Variants in EDNRB observed in about 807,000 individuals in gnomAD.
EDNRB encodes Hirschsprung disease 2.
EDNRB carries 18 observed loss-of-function variants against 46.4 expected under a neutral mutation model. That is an observed-to-expected ratio of 0.39 (90% CI 0.27 to 0.57). EDNRB has a LOEUF of 0.57. EDNRB is among the 20% of genes least tolerant of loss of function. The pLI, the probability that EDNRB is intolerant of heterozygous loss-of-function variation, is 0.61. For missense variants in EDNRB, 434 were observed against 537.5 expected, an observed-to-expected ratio of 0.81 and a Z score of 1.90; for synonymous variants, 213 against 204.9, an observed-to-expected ratio of 1.04 and a Z score of -0.34.
chr13:77,926,212 A>T (rs868211200), intron 1 of EDNRB, among the ~76,000 whole-genome samples: 7 of 152,148 alleles, frequency 4.6e-5, no homozygotes, highest in Admixed American at 2.0e-4. Flanking sequence ...CTTGCTACTT[A>T]TGTCAATTTC....
At chr13:77,965,459 A>C (rs1881554675) in intron 1 of EDNRB, among the ~76,000 whole-genome samples, 1 of 152,190 alleles carries the variant, frequency 6.6e-6, no homozygotes, top group Non-Finnish European at 1.5e-5. Flanking sequence ...AAAACAGTAA[A>C]GTGTGGAGAG....
At chr13:77,937,428 G>A (rs1223005670) in intron 1 of EDNRB, among the ~76,000 whole-genome samples, 1 of 152,208 alleles carries the variant, frequency 6.6e-6, no homozygotes, top group Non-Finnish European at 1.5e-5. Context: ...GAGGGTAGAA[G>A]TCAGGATGAC....
intron 1 of EDNRB, among the ~76,000 whole-genome samples, chr13:77,962,158 C>T (rs1018836559): frequency 1.8e-4 from 27 of 152,098 alleles, no homozygotes; most frequent in Non-Finnish European, 3.2e-4. Context: ...AACCAAAAAA[C>T]GTCCAGGACC....
intron 1 of EDNRB, among the ~76,000 whole-genome samples, chr13:77,946,790 AT>A (rs1257172436): frequency 6.6e-6 from 1 of 152,264 alleles, no homozygotes; most frequent in Non-Finnish European, 1.5e-5. Flanking sequence ...TGATGTATTT[AT>A]AACAGTTTGT....
chr13:77,903,374 T>C lies in EDNRB; in HGVS notation c.597-14A>G, dbSNP rs1050828899. The C allele has an allele frequency of 6.2e-7, 1 of 1,612,824 alleles. No homozygotes were observed. The highest frequency in any genetic ancestry group is 8.5e-7 in the Non-Finnish European group (1 of 1,179,280). ...ACAGCTCGATATCTGAAGATAAAAA[T>C]AGAATTGTATTTTAAGCTGGCATAC... is the stretch of plus-strand genomic sequence containing the variant. On this transcript the variant is annotated splice_polypyrimidine_tract_variant and intron_variant, in intron 2 of 6. Coordinates refer to ENST00000646607, the MANE Select transcript of EDNRB (RefSeq NM_001122659.3).
rs912182220 is a variant in EDNRB, at chr13:77,904,087, G to A, written c.484-480C>T. Among the ~76,000 whole-genome samples the A allele has an allele frequency of 3.3e-5, 5 of 152,104 alleles. No homozygotes were observed. In the East Asian group the frequency reaches 9.7e-4, roughly 30 times the overall value. On this transcript the variant is annotated intron_variant, in intron 1 of 6. Transcript: ENST00000646607. ...AGGCACTTGTTCTTCATTGCAGTCA[G>A]TTTACCTAACTGAACAATCATTCAG...
At chr13:77,944,332 T>G (rs1880840721) in intron 1 of EDNRB, among the ~76,000 whole-genome samples, 1 of 152,134 alleles carries the variant, frequency 6.6e-6, no homozygotes, top group Admixed American at 6.6e-5. Context: ...ATACCCTGAA[T>G]GCATCTATCT....
intron 1 of EDNRB, chr13:77,947,779 A>ATTTTTTT (rs5804948): frequency 4.5e-5 from 6 of 133,350 alleles, no homozygotes; most frequent in Admixed American, 1.5e-4. Flanking sequence ...CAGCTAATTA[A>ATTTTTTT]TTTTTTTTTT....
intron 1 of EDNRB, among the ~76,000 whole-genome samples, chr13:77,928,465 T>C (rs1880300470): frequency 1.3e-5 from 2 of 152,204 alleles, no homozygotes; most frequent in Non-Finnish European, 2.9e-5. Flanking sequence ...ATTTTTTTGG[T>C]GTAAAATTAG....
At chr13:77,909,006 T>C (rs1406941577) in intron 1 of EDNRB, among the ~76,000 whole-genome samples, 3 of 152,014 alleles carry the variant, frequency 2.0e-5, no homozygotes, top group Non-Finnish European at 4.4e-5. Context: ...CTGCTGGCAA[T>C]ATGGTATCCA....
chr13:77,918,275 A>T lies in EDNRB; in HGVS notation c.299T>A (p.Phe100Tyr). The part of the protein sequence containing the change: ...CQGPIEIKET[F>Y]KYINTVVSCL... ...GGACACAACCGTGTTGATGTATTTG[A>T]AAGTCTCCTTGATCTCGATGGGTCC... is the stretch of plus-strand genomic sequence containing the variant. Residue 100 changes from phenylalanine (F) to tyrosine (Y), a missense_variant, in exon 1 of 7, where the codon TTC becomes TAC. Phe to Tyr is a conservative substitution (Grantham distance 22). Coordinates refer to ENST00000646607, the MANE Select transcript of EDNRB (RefSeq NM_001122659.3). This position sits in a 1 kb window ranked among gnomAD's most constrained non-coding sequence, Gnocchi z 4.5. The T allele has an allele frequency of 6.2e-7, 1 of 1,614,038 alleles. No individual in the cohort carries two copies.
At chr13:77,900,384 G>T in intron 5 of EDNRB, 137 bp downstream of exon 5, 1 of 1,210,164 alleles carries the variant, frequency 8.3e-7, no homozygotes. Flanking sequence ...CAGGACCTCA[G>T]ATAAAAATTG....
intron 1 of EDNRB, among the ~76,000 whole-genome samples, chr13:77,907,445 A>G (rs1182657401): frequency 6.6e-6 from 1 of 151,910 alleles, no homozygotes; most frequent in African/African-American, 2.4e-5. Flanking sequence ...CAAATGGCCA[A>G]TTATGGGACT....
At chr13:77,915,416 C>T (rs1879761216) in intron 1 of EDNRB, among the ~76,000 whole-genome samples, 1 of 152,168 alleles carries the variant, frequency 6.6e-6, no homozygotes, top group Admixed American at 6.5e-5. Flanking sequence ...TAAAACAATA[C>T]TCAAGGTTGG....
rs201308168 is a variant in EDNRB, at chr13:77,899,833, C to T, written c.1194+26G>A. 1,335 of 1,563,786 alleles carry T rather than the reference C, an allele frequency of 8.5e-4. 17 individuals are homozygous for T. The South Asian group carries it at 9.3e-3, about 11-fold the overall frequency. Reference sequence around the variant, plus strand: ...TATATTTGAGCCATATTACAAAGAGCTTTTTATTTTGGGATAGTCTCTTAC... The same window carrying T: ...TATATTTGAGCCATATTACAAAGAGTTTTTTATTTTGGGATAGTCTCTTAC... On this transcript the variant is annotated intron_variant, in intron 6 of 6. Transcript: ENST00000646607.
intron 3 of EDNRB, among the ~76,000 whole-genome samples, chr13:77,901,996 T>C (rs946241525): frequency 1.3e-5 from 2 of 151,978 alleles, no homozygotes; most frequent in South Asian, 4.1e-4. Flanking sequence ...TAATGTCTCT[T>C]AACTCATTCT....
Position 77,918,831 on chromosome 13 carries a change from T to C in EDNRB, c.-258A>G. 7.7e-7 allele frequency: 1 copy of C among 1,291,854 alleles called. No individual in the cohort carries two copies. The highest frequency in any genetic ancestry group is 9.8e-7 in the Non-Finnish European group (1 of 1,023,612). 80.0% of individuals were successfully genotyped at this position (1,291,854 alleles called of 1,614,324 possible). On this transcript the variant is annotated 5_prime_UTR_variant, in exon 1 of 7. Transcript: ENST00000646607. This position sits in a 1 kb window ranked among gnomAD's most constrained non-coding sequence, Gnocchi z 4.5. Reference sequence around the variant, plus strand: ...CTGATGCCCTCTCAGCTGTTTTTCTTCCCCCGCGTGGCCAGGAGGGGTAAA... The same window carrying C: ...CTGATGCCCTCTCAGCTGTTTTTCTCCCCCCGCGTGGCCAGGAGGGGTAAA...
intron 1 of EDNRB, among the ~76,000 whole-genome samples, chr13:77,926,505 C>G (rs1181406614): frequency 6.6e-6 from 1 of 152,180 alleles, no homozygotes; most frequent in African/African-American, 2.4e-5. Context: ...TGAGAGTCAC[C>G]TTTGCTCCAG....
At position 77,896,397 on chromosome 13, in the gene EDNRB, C is replaced by G; in HGVS notation, c.*1803G>C. 6.6e-7 allele frequency: 1 copy of G among 1,516,210 alleles called. No individual in the cohort carries two copies. Among genetic ancestry groups the G allele is most frequent in the Non-Finnish European group, 8.8e-7 (1 of 1,134,718 alleles). The allele number at this position is 1,516,210 out of a possible 1,614,324, so 93.9% of individuals were successfully genotyped here. On this transcript the variant is annotated 3_prime_UTR_variant, in exon 7 of 7. Coordinates refer to ENST00000646607, the MANE Select transcript of EDNRB (RefSeq NM_001122659.3). The stretch of plus-strand genomic sequence containing the variant: ...AAGTGATTGGGATGAAATTAAAGAA[C>G]AAGTTTGTGGGTGATTTATAAATAG...
Sources: allele counts gnomAD v4.1 joint callset (sites outside exome capture counted in the v4.1 genomes callset), GRCh38; gene constraint gnomAD v4.1.1; non-coding constraint Gnocchi (gnomAD v3.1); transcripts MANE v1.5; gene names NCBI Gene and HGNC (gene_info 2026-07-23, HGNC 2026-07-21).